Variants in GKAP1 observed in about 807,000 individuals in gnomAD.
The protein encoded by GKAP1 is G kinase-anchoring protein 1.
A neutral mutation model predicts 56.7 loss-of-function variants in GKAP1; 31 were observed. The ratio of observed to expected loss-of-function variants is 0.55; its 90% CI spans 0.41 to 0.74. GKAP1 has a LOEUF of 0.74. Ranked by LOEUF, GKAP1 falls within the 30% of genes least tolerant of loss-of-function variation. The probability of loss-of-function intolerance (pLI) is 0.00; values close to 1 mark genes in which losing one functional copy is unlikely to be tolerated. For missense variants in GKAP1, 364 were observed against 402.3 expected, an observed-to-expected ratio of 0.90 and a Z score of 0.82; for synonymous variants, 151 against 138.6, an observed-to-expected ratio of 1.09 and a Z score of -0.63.
chr9:83,781,480 A>G (rs548260494), intron 6 of GKAP1, among the ~76,000 whole-genome samples: 33 of 152,358 alleles, frequency 2.2e-4, no homozygotes, highest in African/African-American at 7.9e-4. Flanking sequence ...GACTAAAAAT[A>G]TAACTTTCTT....
At chr9:83,760,860 A>C (rs1294526679) in intron 8 of GKAP1, among the ~76,000 whole-genome samples, 5 of 152,102 alleles carry the variant, frequency 3.3e-5, no homozygotes, top group Admixed American at 2.6e-4. Context: ...GGAATACAAT[A>C]AATGCAGTAC....
intron 4 of GKAP1, among the ~76,000 whole-genome samples, chr9:83,790,902 T>C (rs189039120): frequency 6.6e-6 from 1 of 152,346 alleles, no homozygotes; most frequent in Non-Finnish European, 1.5e-5. Flanking sequence ...TTTTAATCCC[T>C]ATTGATGACA....
At chr9:83,778,564 G>C (rs1026850953) in intron 7 of GKAP1, among the ~76,000 whole-genome samples, 1 of 151,994 alleles carries the variant, frequency 6.6e-6, no homozygotes, top group Non-Finnish European at 1.5e-5. Context: ...GTGGGAGGAG[G>C]GAGAGGATCA....
At chr9:83,779,444 T>TACACACACAC (rs1264892337) in intron 7 of GKAP1, among the ~76,000 whole-genome samples, 4,293 of 82,690 alleles carry the variant, frequency 0.052, 252 homozygotes, top group East Asian at 0.22. Context: ...TATATATATA[T>TACACACACAC]ATATACACAC....
chr9:83,783,767 A>T (rs7874454), intron 6 of GKAP1, among the ~76,000 whole-genome samples: 85,735 of 152,040 alleles, frequency 0.56, 24,788 homozygotes, highest in Admixed American at 0.7. Flanking sequence ...ATAAGGAAAA[A>T]AATATGTTTC....
At chr9:83,786,268 C>T (rs376418782) in intron 5 of GKAP1, among the ~76,000 whole-genome samples, 1 of 152,166 alleles carries the variant, frequency 6.6e-6, no homozygotes, top group Non-Finnish European at 1.5e-5. Flanking sequence ...CCCAGCCAGG[C>T]GCGGTGGCTC....
intron 2 of GKAP1, among the ~76,000 whole-genome samples, chr9:83,807,721 C>G (rs1358468541): frequency 6.6e-6 from 1 of 152,184 alleles, no homozygotes; most frequent in Admixed American, 6.5e-5. Context: ...GAATGAACTG[C>G]TGTCATTTCC....
chr9:83,799,406 A>G (rs1944296709), intron 3 of GKAP1, 78 bp from the exon 4 acceptor site: 1 of 1,057,610 alleles, frequency 9.5e-7, no homozygotes. Context: ...TTAAAAAAAA[A>G]CCAATGATAT....
intron 3 of GKAP1, among the ~76,000 whole-genome samples, chr9:83,801,728 C>T (rs773416566): frequency 6.6e-6 from 1 of 152,140 alleles, no homozygotes; most frequent in Non-Finnish European, 1.5e-5. Flanking sequence ...TTTTCTTATT[C>T]TCTAATATAA....
Position 83,802,839 on chromosome 9 carries a change from A to T in GKAP1, c.216+3463T>A, listed in dbSNP as rs114100872. On this transcript the variant is annotated intron_variant, in intron 3 of 12. Transcript: ENST00000376371. Reference sequence around the variant, plus strand: ...AGATTCTGTCTTCTCTTTAAAAAAAAAAAATAAAAGAGGCCAGCATGGTGG... The same window carrying T: ...AGATTCTGTCTTCTCTTTAAAAAAATAAAATAAAAGAGGCCAGCATGGTGG... Among the ~76,000 whole-genome samples, 1,059 of 152,036 alleles carry T rather than the reference A, an allele frequency of 7.0e-3. 4 individuals carry two copies. The highest frequency in any genetic ancestry group is 7.8e-3 in the African/African-American group (325 of 41,446).
intron 3 of GKAP1, among the ~76,000 whole-genome samples, chr9:83,799,822 G>A (rs182923946): frequency 6.5e-4 from 99 of 152,128 alleles, no homozygotes; most frequent in Non-Finnish European, 1.3e-4. Flanking sequence ...AAAACTAGCC[G>A]GGTGTGGTGA....
At chr9:83,803,515 G>C (rs986426499) in intron 3 of GKAP1, among the ~76,000 whole-genome samples, 1 of 152,182 alleles carries the variant, frequency 6.6e-6, no homozygotes, top group Non-Finnish European at 1.5e-5. Flanking sequence ...TCGGCCTCCC[G>C]AGGTGCCGGG....
intron 8 of GKAP1, among the ~76,000 whole-genome samples, chr9:83,758,460 C>T (rs777267696): frequency 2.0e-5 from 3 of 152,100 alleles, no homozygotes; most frequent in East Asian, 1.9e-4. Flanking sequence ...AGGCTGGATA[C>T]GGTGGCTCAT....
At chr9:83,768,695 A>G in intron 8 of GKAP1, 123 bp downstream of exon 8, 1 of 797,502 alleles carries the variant, frequency 1.3e-6, no homozygotes, top group Non-Finnish European at 2.0e-6. Flanking sequence ...ATAATTACTA[A>G]GATCATATCC....
intron 7 of GKAP1, 80 bp from the exon 8 acceptor site, chr9:83,769,050 G>T (rs1943712852): frequency 1.8e-6 from 2 of 1,087,656 alleles, no homozygotes; most frequent in Non-Finnish European, 2.7e-6. Context: ...CCACAAGAAG[G>T]GATATGCATT....
At chr9:83,794,646 A>C (rs1205030292) in intron 4 of GKAP1, among the ~76,000 whole-genome samples, 2 of 152,142 alleles carry the variant, frequency 1.3e-5, no homozygotes, top group Non-Finnish European at 2.9e-5. Context: ...TACACAATAA[A>C]ATTTGGTCTG....
chr9:83,798,974 T>C (rs1352606640), intron 4 of GKAP1, among the ~76,000 whole-genome samples: 1 of 152,192 alleles, frequency 6.6e-6, no homozygotes. Flanking sequence ...AATAACTGCT[T>C]CCTATTGTCA....
intron 8 of GKAP1, among the ~76,000 whole-genome samples, chr9:83,764,090 T>C (rs1741063207): frequency 6.6e-6 from 1 of 152,022 alleles, no homozygotes; most frequent in South Asian, 2.1e-4. Context: ...AAAATCATAA[T>C]GAAAAAGGAA....
intron 6 of GKAP1, among the ~76,000 whole-genome samples, chr9:83,782,969 CA>C: frequency 1.3e-5 from 2 of 152,204 alleles, no homozygotes; most frequent in Middle Eastern, 6.8e-3. Context: ...CACGCCCGAC[CA>C]AAACTTGGAA....
Sources: gnomAD v4.1 joint callset for allele counts (sites outside exome capture counted in the v4.1 genomes callset) on GRCh38, gnomAD v4.1.1 for gene constraint, MANE v1.5 for transcripts, NCBI Gene and HGNC (gene_info 2026-07-23, HGNC 2026-07-21) for gene names.